ESYT1: variants seen among roughly 807,000 people sequenced by gnomAD.
ESYT1 encodes the protein extended synaptotagmin-1.
A neutral mutation model predicts 154.2 loss-of-function variants in ESYT1; 116 were observed. The observed-to-expected ratio is 0.75, with a 90% confidence interval of 0.65 to 0.88. The LOEUF (loss-of-function observed/expected upper bound fraction) is 0.88, where lower values mean the gene tolerates loss of function less well. Among genes scored for constraint, ESYT1 ranks in the 40% least tolerant of loss-of-function variants. The pLI, the probability that ESYT1 is intolerant of heterozygous loss-of-function variation, is 0.00. For synonymous variants in ESYT1, 500 were observed against 539.9 expected (o/e 0.93, Z 1.02); for missense variants, 1,264 against 1,379.3 (o/e 0.92, Z 1.32).
Position 56,134,170 on chromosome 12 carries a change from C to T in ESYT1, c.1534C>T (p.Gln512Ter). The change falls in exon 14 of 31, where the codon CAG (glutamine) becomes TAG (stop). Residue 512 changes from glutamine to a stop codon, truncating the protein, a stop_gained. Transcript: ENST00000394048. LOFTEE classifies it high-confidence loss of function. ...ACAACTGTCAATTCAGGATGTGACT[C>T]AGGAGAGCAAGGTGAGGGCCAGGAC... Reference protein sequence around the residue: ...MVQLSIQDVTQESKAVYSTNC... With the variant: ...MVQLSIQDVT 1 of 1,614,110 alleles carries T rather than the reference C, an allele frequency of 6.2e-7. No individual in the cohort carries two copies. Among genetic ancestry groups the T allele is most frequent in the Non-Finnish European group, 8.5e-7 (1 of 1,180,008 alleles).
rs151329688 is a variant in ESYT1 at position 56,128,565 on chromosome 12, C to T, written c.246C>T (p.Leu82=). The T allele has an allele frequency of 1.2e-6, 2 of 1,613,852 alleles. No individual in the cohort carries two copies. Among genetic ancestry groups the T allele is most frequent in the South Asian group, 2.2e-5 (2 of 91,000 alleles). ...TGGGACTCAGCGTGGGTTTCGTGCT[C>T]TTCGGCCTCGCCCTCTACCTGGGCT... ...GAVGLSVGFV[L]FGLALYLGWR... The change falls in exon 1 of 31, where the codon CTC becomes CTT. Residue 82 remains leucine (L), a synonymous_variant. Coordinates refer to ENST00000394048, the MANE Select transcript of ESYT1 (RefSeq NM_015292.3).
chr12:56,141,658 T>G (rs1358227931), intron 24 of ESYT1, among the ~76,000 whole-genome samples: 1 of 152,176 alleles, frequency 6.6e-6, no homozygotes, highest in Non-Finnish European at 1.5e-5. Flanking sequence ...GAGAATGGCG[T>G]GAACCCAGGA....
chr12:56,131,664 A>G, intron 6 of ESYT1, 85 bp from the exon 7 acceptor site: 1 of 1,605,148 alleles, frequency 6.2e-7, no homozygotes, highest in South Asian at 1.1e-5. Flanking sequence ...GGAACTGACA[A>G]GAAGGCCGAG....
intron 10 of ESYT1, 37 bp from the exon 11 acceptor site, chr12:56,133,380 T>C (rs766367291): frequency 1.9e-6 from 3 of 1,613,776 alleles, no homozygotes; most frequent in East Asian, 4.5e-5. Flanking sequence ...ACTACCCTTT[T>C]CTTCCTTTCA....
chr12:56,134,980 C>T (rs774265290), intron 15 of ESYT1, among the ~76,000 whole-genome samples: 6 of 152,086 alleles, frequency 3.9e-5, no homozygotes, highest in Admixed American at 6.5e-5. Context: ...ATTGTGAAAG[C>T]AGATGCTATG....
At position 56,132,738 on chromosome 12, in the gene ESYT1, C is replaced by T; in HGVS notation, c.1181C>T (p.Pro394Leu). The T allele has an allele frequency of 1.9e-6, 3 of 1,614,154 alleles. No homozygotes were observed. The highest frequency in any genetic ancestry group is 2.5e-6 in the Non-Finnish European group (3 of 1,180,024). ...CCCCAGGTGATGGTACACGAGGTCC[C>T]AGGGCAGGAGATTGAAGTGGAGGTG... is the stretch of plus-strand genomic sequence containing the variant. ...ETYEVMVHEVPGQEIEVEVFD... is the reference protein window; with the variant it reads ...ETYEVMVHEVLGQEIEVEVFD... The change falls in exon 10 of 31, where the codon CCA (proline) becomes CTA (leucine). Residue 394 changes from proline (P) to leucine (L), a missense_variant. By Grantham distance (98) the Pro-to-Leu change is moderately conservative (BLOSUM62 -3). Coordinates refer to ENST00000394048, the MANE Select transcript of ESYT1 (RefSeq NM_015292.3).
rs145695018 is a variant in ESYT1, at chr12:56,141,984, G to C, written c.2593-301G>C. ...GTGGTGGCAGGTGCCTGTAATCCCA[G>C]CTACTCAGGAGGTTGAGGCAGGAGA... On this transcript the variant is annotated intron_variant, in intron 24 of 30. Transcript: ENST00000394048. Among the ~76,000 whole-genome samples, 1,256 of 151,920 alleles carry C rather than the reference G, an allele frequency of 8.3e-3. 24 individuals carry two copies. The highest frequency in any genetic ancestry group is 0.039 in the South Asian group (188 of 4,818).
intron 3 of ESYT1, 53 bp downstream of exon 3, chr12:56,130,978 C>A (rs778471326): frequency 3.5e-5 from 57 of 1,613,934 alleles, no homozygotes; most frequent in Non-Finnish European, 4.7e-5. Context: ...GTGAGTGGCC[C>A]GGAGTAGACT....
chr12:56,138,101 C>T (rs1870538734), intron 20 of ESYT1, 27 bp downstream of exon 20: 1 of 1,613,888 alleles, frequency 6.2e-7, no homozygotes. Flanking sequence ...AGTCAACAAC[C>T]CCTCCTGATC....
At chr12:56,132,074 A>G (rs909668804) in intron 7 of ESYT1, 135 bp from the exon 8 acceptor site, 77 of 1,370,698 alleles carry the variant, frequency 5.6e-5, no homozygotes, top group Non-Finnish European at 6.8e-5. Context: ...TTAGGGTAGA[A>G]GAGTAGCACA....
Position 56,142,932 on chromosome 12 carries a change from C to A in ESYT1, c.2986C>A (p.Arg996=). Residue 996 remains arginine (R), a splice_region_variant and synonymous_variant, in exon 27 of 31, where the codon CGG becomes AGG. Transcript: ENST00000394048. This position sits in a 1 kb window ranked among gnomAD's most constrained non-coding sequence, Gnocchi z 4.1. ...RKLVSIVHGC[R]SLRQNGRDPP... is the part of the protein sequence containing the mutation. ...GCTGGTCAGCATTGTTCATGGTTGC[C>A]GGTGAGACCCCATCCCTCCTGTCCT... 2 of 1,614,102 alleles carry A rather than the reference C, an allele frequency of 1.2e-6. No individual in the cohort carries two copies.
At position 56,128,290 on chromosome 12, in the gene ESYT1, G is replaced by C; in HGVS notation, c.-30G>C. ...CTAGGCAACCTCCAGCCAGTCCCTGGGTCGGGCGGATCCTCCCAGAGGTGG... is the reference window on the plus strand; with the variant it reads ...CTAGGCAACCTCCAGCCAGTCCCTGCGTCGGGCGGATCCTCCCAGAGGTGG... On this transcript the variant is annotated 5_prime_UTR_variant, in exon 1 of 31. Coordinates refer to ENST00000394048, the MANE Select transcript of ESYT1 (RefSeq NM_015292.3). 5 of 1,585,216 alleles carry C rather than the reference G, an allele frequency of 3.2e-6. No individual in the cohort carries two copies. Among genetic ancestry groups the C allele is most frequent in the Non-Finnish European group, 4.3e-6 (5 of 1,169,968 alleles).
intron 21 of ESYT1, 38 bp downstream of exon 21, chr12:56,138,310 T>C (rs199556086): frequency 6.2e-7 from 1 of 1,613,034 alleles, no homozygotes; most frequent in African/African-American, 1.3e-5. Flanking sequence ...GGACCCAAGG[T>C]GGGGCAGGAT....
chr12:56,144,091 G>A lies in ESYT1; in HGVS notation c.*229G>A. The A allele has an allele frequency of 7.0e-7, 1 of 1,421,926 alleles. No individual in the cohort carries two copies. Among genetic ancestry groups the A allele is most frequent in the Non-Finnish European group, 9.2e-7 (1 of 1,091,216 alleles). 88.1% of individuals were successfully genotyped at this position (1,421,926 alleles called of 1,614,324 possible). A position where few individuals can be genotyped will look rare whatever the true frequency, so the allele number is the denominator to read the frequency against. On this transcript the variant is annotated 3_prime_UTR_variant, in exon 31 of 31. Coordinates refer to ENST00000394048, the MANE Select transcript of ESYT1 (RefSeq NM_015292.3). ...CTGGGCCCCTGGGGCGGGGACCTGAGCTGGCTGTTTCCTGCTTTGCCTGCA... is the reference window on the plus strand; with the variant it reads ...CTGGGCCCCTGGGGCGGGGACCTGAACTGGCTGTTTCCTGCTTTGCCTGCA...
intron 30 of ESYT1, 26 bp downstream of exon 30, chr12:56,143,655 G>A (rs1182673045): frequency 1.9e-6 from 3 of 1,613,852 alleles, no homozygotes; most frequent in African/African-American, 2.7e-5. Context: ...GGTGGGGGAT[G>A]GTCTGGATAT....
Position 56,132,580 on chromosome 12 carries a change from T to A in ESYT1, c.1144T>A (p.Trp382Arg). The A allele has an allele frequency of 6.2e-7, 1 of 1,614,112 alleles. No individual in the cohort carries two copies. The highest frequency in any genetic ancestry group is 8.5e-7 in the Non-Finnish European group (1 of 1,180,020). ...CATTGATGAAGAACTCAACCCACAG[T>A]GGGGAGAGACTTATGAGGTGGGAGA... Reference protein sequence around the residue: ...RVIDEELNPQWGETYEVMVHE... With the variant: ...RVIDEELNPQRGETYEVMVHE... The change falls in exon 9 of 31, where the codon TGG (tryptophan) becomes AGG (arginine). Residue 382 changes from tryptophan (W) to arginine (R), a missense_variant. By Grantham distance (101) the Trp-to-Arg change is moderately radical (BLOSUM62 -3). Coordinates refer to ENST00000394048, the MANE Select transcript of ESYT1 (RefSeq NM_015292.3).
In ESYT1 at chr12:56,142,515, C is replaced by T; in HGVS notation, c.2734-63C>T. The T allele has an allele frequency of 1.9e-6, 3 of 1,611,254 alleles. No homozygotes were observed. The highest frequency in any genetic ancestry group is 1.7e-6 in the Non-Finnish European group (2 of 1,178,090). ...CACCCAGGAGGGTGGGAACAGAGGGCCGTGTCCTTAGAGTGAGGGAACTGA... is the reference window on the plus strand; with the variant it reads ...CACCCAGGAGGGTGGGAACAGAGGGTCGTGTCCTTAGAGTGAGGGAACTGA... On this transcript the variant is annotated intron_variant, in intron 25 of 30. Coordinates refer to ENST00000394048, the MANE Select transcript of ESYT1 (RefSeq NM_015292.3). This position sits in a 1 kb window ranked among gnomAD's most constrained non-coding sequence, Gnocchi z 4.1.
chr12:56,136,010 G>T (rs1870434950), intron 15 of ESYT1, among the ~76,000 whole-genome samples: 1 of 128,454 alleles, frequency 7.8e-6, no homozygotes, highest in Non-Finnish European at 1.6e-5. Flanking sequence ...GTAGTGAGCT[G>T]ATTTCAAGCA....
chr12:56,129,308 GA>G (rs1370052483), intron 1 of ESYT1: 2 of 160,618 alleles, frequency 1.2e-5, no homozygotes. Context: ...AGGGCTACGG[GA>G]GGAGGTGGTG....
Sources: allele counts gnomAD v4.1 joint callset (sites outside exome capture counted in the v4.1 genomes callset), GRCh38; gene constraint gnomAD v4.1.1; non-coding constraint Gnocchi (gnomAD v3.1); transcripts MANE v1.5; gene names NCBI Gene and HGNC (gene_info 2026-07-23, HGNC 2026-07-21).